TRPC7: variants seen among roughly 807,000 people sequenced by gnomAD.
The protein encoded by TRPC7 is transient receptor potential cation channel subfamily C member 7.
Under a neutral mutation model 90.1 loss-of-function variants are expected in TRPC7, and 42 were observed. The observed-to-expected ratio is 0.47, with a 90% CI of 0.36 to 0.60. The LOEUF (loss-of-function observed/expected upper bound fraction) is 0.60, where lower values mean the gene tolerates loss of function less well. Among genes scored for constraint, TRPC7 ranks in the 20% least tolerant of loss-of-function variants. The probability of loss-of-function intolerance (pLI) is 0.00; values close to 1 mark genes in which losing one functional copy is unlikely to be tolerated. For missense variants in TRPC7, 955 were observed against 1,112.3 expected (o/e 0.86, Z 2.01); for synonymous variants, 451 against 436.3 (o/e 1.03, Z -0.42).
chr5:136,326,772 C>G (rs1199781334), intron 2 of TRPC7, among the ~76,000 whole-genome samples: 1 of 151,976 alleles, frequency 6.6e-6, no homozygotes, highest in Non-Finnish European at 1.5e-5. Context: ...CCAAAGAGTG[C>G]AACAAGTCAA....
rs1407269298 is a variant in TRPC7 at position 136,251,713 on chromosome 5, C to G, written c.1515G>C (p.Gln505His). The G allele has an allele frequency of 3.1e-6, 5 of 1,613,834 alleles. No individual in the cohort carries two copies. Among genetic ancestry groups the G allele is most frequent in the Non-Finnish European group, 4.2e-6 (5 of 1,179,852 alleles). Residue 505 changes from glutamine (Q) to histidine (H), a missense_variant, in exon 6 of 12, where the codon CAG becomes CAC. Gln to His is a conservative substitution (Grantham distance 24). Transcript: ENST00000513104. Reference protein sequence around the residue: ...KATEAQLYVDQHVQDDTLHNV... With the variant: ...KATEAQLYVDHHVQDDTLHNV... ...TGTGCAGCGTGTCGTCCTGCACGTG[C>G]TGGTCCACGTACAGCTGTGCCTCCG...
At chr5:136,291,849 GCACCA>G (rs555807192) in intron 3 of TRPC7, among the ~76,000 whole-genome samples, 1 of 152,100 alleles carries the variant, frequency 6.6e-6, no homozygotes. Flanking sequence ...ATTCTTTTCA[GCACCA>G]CACCACACCA....
chr5:136,333,759 C>T (rs1759570892), intron 2 of TRPC7, among the ~76,000 whole-genome samples: 1 of 152,210 alleles, frequency 6.6e-6, no homozygotes, highest in African/African-American at 2.4e-5. Flanking sequence ...CAATATGTGG[C>T]ATGCTTGGAA....
chr5:136,265,716 C>T (rs1037503691), intron 5 of TRPC7, among the ~76,000 whole-genome samples: 1 of 152,052 alleles, frequency 6.6e-6, no homozygotes, highest in Non-Finnish European at 1.5e-5. Context: ...AATTTCATAG[C>T]CTTTTAGTAC....
chr5:136,243,471 A>G (rs1756232945), intron 7 of TRPC7, among the ~76,000 whole-genome samples: 1 of 152,044 alleles, frequency 6.6e-6, no homozygotes, highest in Non-Finnish European at 1.5e-5. Context: ...ACAAGCTCAA[A>G]ATTCCACAGA....
intron 8 of TRPC7, among the ~76,000 whole-genome samples, chr5:136,228,137 T>G (rs1755690633): frequency 6.6e-6 from 1 of 152,146 alleles, no homozygotes; most frequent in African/African-American, 2.4e-5. Flanking sequence ...ATTCAACAGC[T>G]AGTTAGTTAG....
chr5:136,351,554 G>A (rs534478192), intron 2 of TRPC7, among the ~76,000 whole-genome samples: 1 of 152,220 alleles, frequency 6.6e-6, no homozygotes, highest in Non-Finnish European at 1.5e-5. Context: ...CAGCCCAGGT[G>A]GGGGCCTTTC....
At chr5:136,295,073 G>A (rs1375290757) in intron 3 of TRPC7, among the ~76,000 whole-genome samples, 2 of 151,958 alleles carry the variant, frequency 1.3e-5, no homozygotes, top group Non-Finnish European at 2.9e-5. Context: ...TTACTGATAG[G>A]TGGGAATTGA....
rs1755164805 is a variant in TRPC7, at chr5:136,213,651, C to CACCCTCCTCACA, written c.2420-48_2420-47insTGTGAGGAGGGT. On this transcript the variant is annotated intron_variant, in intron 11 of 11. Transcript: ENST00000513104. Reference sequence around the variant, plus strand: ...TGCTGAGTCTGAGTAGGTGGAAGCTCGGGGCTTGTCCCATGCACATGTGGG... The same window carrying CACCCTCCTCACA: ...TGCTGAGTCTGAGTAGGTGGAAGCTCACCCTCCTCACAGGGGCTTGTCCCATGCACATGTGGG... 1.9e-6 allele frequency: 3 copies of CACCCTCCTCACA among 1,602,124 alleles called. No homozygotes were observed. The African/African-American group carries it at 4.0e-5, about 21-fold the overall frequency.
At chr5:136,358,728 G>A (rs1022578781) in intron 1 of TRPC7, among the ~76,000 whole-genome samples, 3 of 152,192 alleles carry the variant, frequency 2.0e-5, no homozygotes, top group African/African-American at 7.2e-5. Context: ...CTATGAAATA[G>A]AGGGGCTGGA....
chr5:136,251,895 G>A lies in TRPC7; in HGVS notation c.1346-13C>T, dbSNP rs1233537766. On this transcript the variant is annotated splice_polypyrimidine_tract_variant and intron_variant, in intron 5 of 11. Coordinates refer to ENST00000513104, the MANE Select transcript of TRPC7 (RefSeq NM_020389.3). ...GACCAAATCATTCCTGTGGGAGAAGGAGAAGGCCAGGCTCACTTTTCGTTT... is the reference window on the plus strand; with the variant it reads ...GACCAAATCATTCCTGTGGGAGAAGAAGAAGGCCAGGCTCACTTTTCGTTT... 6.3e-7 allele frequency: 1 copy of A among 1,599,524 alleles called. No homozygotes were observed. The highest frequency in any genetic ancestry group is 1.4e-5 in the African/African-American group (1 of 71,960).
chr5:136,323,736 A>T (rs1468185088), intron 2 of TRPC7, among the ~76,000 whole-genome samples: 1 of 152,044 alleles, frequency 6.6e-6, no homozygotes, highest in Non-Finnish European at 1.5e-5. Flanking sequence ...CTGTAGCTTT[A>T]TGTTATCTTA....
chr5:136,228,300 G>C (rs1475535720), intron 8 of TRPC7, among the ~76,000 whole-genome samples: 1 of 151,882 alleles, frequency 6.6e-6, no homozygotes, highest in Non-Finnish European at 1.5e-5. Flanking sequence ...TGGGGTGGGG[G>C]GTAGGGAATT....
At chr5:136,223,716 A>G (rs1422606329) in intron 10 of TRPC7, among the ~76,000 whole-genome samples, 2 of 152,200 alleles carry the variant, frequency 1.3e-5, no homozygotes, top group African/African-American at 4.8e-5. Flanking sequence ...CACAGAATTG[A>G]TCTTCCTTTA....
chr5:136,322,797 A>G (rs1239788972), intron 2 of TRPC7, among the ~76,000 whole-genome samples: 3 of 152,170 alleles, frequency 2.0e-5, no homozygotes, highest in Non-Finnish European at 4.4e-5. Flanking sequence ...TAAAGTTTAT[A>G]TTAAAATCCT....
In TRPC7 at chr5:136,365,383, T is replaced by C. The variant is rs1760691298; in HGVS notation, c.-129A>G. On this transcript the variant is annotated 5_prime_UTR_variant, in exon 1 of 12. Transcript: ENST00000513104. ...TCTCCGTGGTGCTGAAGTATAGAGCTGGTCAAGTGAGTTAAGTTGCAACGA... is the reference window on the plus strand; with the variant it reads ...TCTCCGTGGTGCTGAAGTATAGAGCCGGTCAAGTGAGTTAAGTTGCAACGA... 2.1e-6 allele frequency: 2 copies of C among 958,408 alleles called. No individual in the cohort carries two copies. The highest frequency in any genetic ancestry group is 3.2e-6 in the Non-Finnish European group (2 of 629,674). 59.4% of individuals were successfully genotyped at this position (958,408 alleles called of 1,614,324 possible).
chr5:136,340,780 T>A (rs4976487), intron 2 of TRPC7, among the ~76,000 whole-genome samples: 104,597 of 151,996 alleles, frequency 0.69, 36,286 homozygotes, highest in African/African-American at 0.77. Flanking sequence ...TTTCATAAAA[T>A]ACAGTAAAAA....
intron 2 of TRPC7, among the ~76,000 whole-genome samples, chr5:136,320,674 C>T (rs181483734): frequency 6.6e-6 from 1 of 152,164 alleles, no homozygotes; most frequent in Admixed American, 6.5e-5. Flanking sequence ...TACTGGGGGT[C>T]TCCCCCGGAT....
chr5:136,266,125 C>T, intron 5 of TRPC7, 95 bp downstream of exon 5: 1 of 1,130,628 alleles, frequency 8.8e-7, no homozygotes. Context: ...ATCAGGAGTA[C>T]ACTGAAGAGG....
Sources: allele counts gnomAD v4.1 joint callset (sites outside exome capture counted in the v4.1 genomes callset), GRCh38; gene constraint gnomAD v4.1.1; transcripts MANE v1.5; gene names NCBI Gene and HGNC (gene_info 2026-07-23, HGNC 2026-07-21).